The following PKIA variants were observed in gnomAD, a reference collection of about 807,000 sequenced individuals.
The protein encoded by PKIA is PKI-alpha.
A neutral mutation model predicts 7.6 loss-of-function variants in PKIA; 4 were observed. The observed-to-expected ratio is 0.52, with a 90% CI of 0.26 to 1.20. The LOEUF is 1.20. Ranked by LOEUF, PKIA falls within the 50% of genes most tolerant of loss-of-function variation. The pLI, the probability that PKIA is intolerant of heterozygous loss-of-function variation, is 0.13. For missense variants in PKIA, 73 were observed against 86.2 expected, an observed-to-expected ratio of 0.85 and a Z score of 0.61; for synonymous variants, 21 against 30.7, an observed-to-expected ratio of 0.68 and a Z score of 1.04.
At chr8:78,585,281 A>C (rs542609714) in intron 2 of PKIA, among the ~76,000 whole-genome samples, 46 of 152,078 alleles carry the variant, frequency 3.0e-4, no homozygotes, top group Non-Finnish European at 6.2e-4. Flanking sequence ...TCTTATTTAC[A>C]CTTACATTTA....
intron 1 of PKIA, among the ~76,000 whole-genome samples, chr8:78,533,546 G>A (rs1475761131): frequency 6.6e-6 from 1 of 152,060 alleles, no homozygotes; most frequent in Non-Finnish European, 1.5e-5. Context: ...TGTTATGAAA[G>A]TGTACTTAAA....
intron 1 of PKIA, among the ~76,000 whole-genome samples, chr8:78,526,276 G>T (rs78832071): frequency 0.036 from 5,516 of 152,092 alleles, 151 homozygotes; most frequent in South Asian, 0.071. Context: ...GCTCTGATCA[G>T]CAGTGGCTGT....
intron 1 of PKIA, among the ~76,000 whole-genome samples, chr8:78,530,278 CTAAG>C (rs970435944): frequency 6.6e-6 from 1 of 151,962 alleles, no homozygotes; most frequent in Non-Finnish European, 1.5e-5. Flanking sequence ...TACACAATTA[CTAAG>C]TGTTAGAGCA....
At chr8:78,601,424 A>G (rs1270980511) in intron 3 of PKIA, among the ~76,000 whole-genome samples, 1 of 152,080 alleles carries the variant, frequency 6.6e-6, no homozygotes, top group African/African-American at 2.4e-5. Flanking sequence ...CTGTGAAACT[A>G]TACCTAAGTG....
At position 78,603,297 on chromosome 8, in the gene PKIA, G is replaced by T. The variant is rs1261394359; in HGVS notation, c.*1476G>T. On this transcript the variant is annotated 3_prime_UTR_variant, in exon 4 of 4. Transcript: ENST00000396418. ...ATAACGAGCCCACTTAGCTGTCCTTGAGGGCTTAGATACCTTGCCACGTGA... is the reference window on the plus strand; with the variant it reads ...ATAACGAGCCCACTTAGCTGTCCTTTAGGGCTTAGATACCTTGCCACGTGA... 5 of 152,290 alleles carry T rather than the reference G, an allele frequency of 3.3e-5. No homozygotes were observed. Among genetic ancestry groups the T allele is most frequent in the Admixed American group, 1.3e-4 (2 of 15,206 alleles). 9.4% of individuals were successfully genotyped at this position (152,290 alleles called of 1,614,324 possible).
chr8:78,544,111 A>G (rs16905756), intron 1 of PKIA, among the ~76,000 whole-genome samples: 22,397 of 152,138 alleles, frequency 0.15, 1,771 homozygotes, highest in Middle Eastern at 0.22. Flanking sequence ...GACAAAAATT[A>G]TTAAATGACA....
chr8:78,553,562 G>C (rs908323660), intron 1 of PKIA, among the ~76,000 whole-genome samples: 1 of 151,932 alleles, frequency 6.6e-6, no homozygotes, highest in Non-Finnish European at 1.5e-5. Flanking sequence ...TACCAACACT[G>C]TTAGAATATT....
intron 1 of PKIA, among the ~76,000 whole-genome samples, chr8:78,571,841 G>T (rs1447190706): frequency 6.6e-6 from 1 of 152,008 alleles, no homozygotes; most frequent in Non-Finnish European, 1.5e-5. Context: ...GTCATCACTG[G>T]TACAGATGCT....
intron 1 of PKIA, chr8:78,534,267 CTA>C (rs1341614041): frequency 1.3e-5 from 2 of 152,068 alleles, no homozygotes; most frequent in Admixed American, 1.3e-4. Context: ...AGTATATTGA[CTA>C]TTGACTCGGG....
At chr8:78,559,364 A>G (rs1807229657) in intron 1 of PKIA, among the ~76,000 whole-genome samples, 1 of 152,176 alleles carries the variant, frequency 6.6e-6, no homozygotes, top group South Asian at 2.1e-4. Flanking sequence ...CATTAAGGAG[A>G]GAAGGGATGG....
chr8:78,562,463 A>T (rs1807308160), intron 1 of PKIA, among the ~76,000 whole-genome samples: 1 of 152,172 alleles, frequency 6.6e-6, no homozygotes, highest in African/African-American at 2.4e-5. Context: ...TAAAACATAA[A>T]CCACTTAATA....
At position 78,554,050 on chromosome 8, in the gene PKIA, T is replaced by C. The variant is rs144586419; in HGVS notation, c.-156-18761T>C. 1.1e-3 allele frequency among the ~76,000 whole-genome samples: 173 copies of C among 151,920 alleles called. 2 individuals are homozygous for C. Among genetic ancestry groups the C allele is most frequent in the African/African-American group, 3.8e-3 (158 of 41,452 alleles). On this transcript the variant is annotated intron_variant, in intron 1 of 3. Transcript: ENST00000396418. ...TGGGAACCAATATCAACAAACAAAC[T>C]TGACACCCAGCAATATGTAGAGTGC...
intron 2 of PKIA, among the ~76,000 whole-genome samples, chr8:78,578,800 G>A (rs983226900): frequency 6.6e-6 from 1 of 151,816 alleles, no homozygotes; most frequent in Non-Finnish European, 1.5e-5. Flanking sequence ...TTTTCTGTCT[G>A]TGCACATGAG....
At chr8:78,522,566 C>T (rs373547449) in intron 1 of PKIA, among the ~76,000 whole-genome samples, 72 of 151,834 alleles carry the variant, frequency 4.7e-4, no homozygotes, top group African/African-American at 1.6e-3. Context: ...GAACATGATC[C>T]GAGCAAAGAA....
chr8:78,589,694 C>A (rs773274920), intron 2 of PKIA, among the ~76,000 whole-genome samples: 7 of 152,078 alleles, frequency 4.6e-5, no homozygotes, highest in African/African-American at 1.7e-4. Flanking sequence ...TACACACTCA[C>A]AATTAGTATT....
intron 1 of PKIA, among the ~76,000 whole-genome samples, chr8:78,569,089 C>T (rs550758114): frequency 2.0e-5 from 3 of 152,254 alleles, no homozygotes; most frequent in South Asian, 4.1e-4. Flanking sequence ...GCTAAGCCCC[C>T]GCCTCTACTT....
intron 2 of PKIA, among the ~76,000 whole-genome samples, chr8:78,578,962 G>A (rs1489600127): frequency 6.6e-6 from 1 of 151,984 alleles, no homozygotes; most frequent in East Asian, 1.9e-4. Context: ...TTCAGAATTA[G>A]CAAATACAAT....
rs1277017470 is a variant in PKIA at position 78,604,819 on chromosome 8, A to T, written c.*2998A>T. 6.6e-6 allele frequency: 1 copy of T among 151,844 alleles called. No homozygotes were observed. The highest frequency in any genetic ancestry group is 2.4e-5 in the African/African-American group (1 of 41,344). 9.4% of individuals were successfully genotyped at this position (151,844 alleles called of 1,614,324 possible). A position where few individuals can be genotyped will look rare whatever the true frequency, so the allele number is the denominator to read the frequency against. On this transcript the variant is annotated 3_prime_UTR_variant, in exon 4 of 4. Coordinates refer to ENST00000396418, the MANE Select transcript of PKIA (RefSeq NM_006823.4). ...AATTGTAATCATCCTATGCCAACAT[A>T]TTATCATAAATTCATAGAAATATTT...
At chr8:78,559,990 AT>A (rs1354282394) in intron 1 of PKIA, among the ~76,000 whole-genome samples, 1 of 152,202 alleles carries the variant, frequency 6.6e-6, no homozygotes. Flanking sequence ...CCTAAAGGTA[AT>A]TTATAATTAT....
Sources: gnomAD v4.1 joint callset for allele counts (sites outside exome capture counted in the v4.1 genomes callset) on GRCh38, gnomAD v4.1.1 for gene constraint, MANE v1.5 for transcripts, NCBI Gene and HGNC (gene_info 2026-07-23, HGNC 2026-07-21) for gene names.